SPECC1L: variants seen among roughly 807,000 people sequenced by gnomAD.
The protein encoded by SPECC1L is cytospin-A.
Under a neutral mutation model 116.8 loss-of-function variants are expected in SPECC1L, and 40 were observed. The observed-to-expected ratio is 0.34, with a 90% confidence interval of 0.27 to 0.45. The LOEUF is 0.45. Ranked by LOEUF, SPECC1L falls within the 20% of genes least tolerant of loss-of-function variation. The pLI is 1.00. For synonymous variants in SPECC1L, 504 were observed against 500.6 expected, an observed-to-expected ratio of 1.01 and a Z score of -0.09; for missense variants, 1,110 against 1,373.6, an observed-to-expected ratio of 0.81 and a Z score of 3.03.
chr22:24,393,157 G>A (rs879577598), intron 14 of SPECC1L, among the ~76,000 whole-genome samples: 7 of 152,246 alleles, frequency 4.6e-5, no homozygotes, highest in Non-Finnish European at 1.0e-4. Context: ...TGAAGAAGAT[G>A]TGGGGCCAGA....
In SPECC1L at chr22:24,403,933, A is replaced by G. The variant is rs531230237; in HGVS notation, c.3088-7655A>G. On this transcript the variant is annotated intron_variant, in intron 14 of 16. Transcript: ENST00000314328. ...AGTTCAAGCCCAGCTTGGGCAACAT[A>G]GTGAGAGACTCCCTCCCTTTTTTAA... 4.6e-5 allele frequency among the ~76,000 whole-genome samples: 7 copies of G among 152,322 alleles called. No individual in the cohort carries two copies. The South Asian group carries it at 1.0e-3, about 23-fold the overall frequency.
chr22:24,290,259 T>A (rs972141392), intron 2 of SPECC1L, among the ~76,000 whole-genome samples: 1 of 152,202 alleles, frequency 6.6e-6, no homozygotes. Context: ...GCCATGAGGC[T>A]GTTTAAGGGG....
At chr22:24,364,508 C>T (rs1353861781) in intron 12 of SPECC1L, among the ~76,000 whole-genome samples, 1 of 151,834 alleles carries the variant, frequency 6.6e-6, no homozygotes, top group Admixed American at 6.6e-5. Context: ...ACTGAAAATA[C>T]AAAAATAAGC....
At chr22:24,312,540 T>G (rs2146439597) in intron 3 of SPECC1L, among the ~76,000 whole-genome samples, 1 of 152,316 alleles carries the variant, frequency 6.6e-6, no homozygotes, top group East Asian at 1.9e-4. Flanking sequence ...AGTTTTTCTC[T>G]TTTTTTCCCC....
At position 24,276,698 on chromosome 22, in the gene SPECC1L, A is replaced by G; in HGVS notation, c.-141-2A>G. ...ATTCTATTCTTCCTCTCTCTCTTCT[A>G]GTGTTCTTGGGGAAGATCCCGACTA... On this transcript the variant is annotated splice_acceptor_variant, in intron 1 of 16. Transcript: ENST00000314328. LOFTEE classifies it low-confidence loss of function (5UTR_SPLICE). 2.3e-6 allele frequency: 1 copy of G among 442,308 alleles called. No homozygotes were observed. Among genetic ancestry groups the G allele is most frequent in the Non-Finnish European group, 4.5e-6 (1 of 223,006 alleles). The allele number at this position is 442,308 out of a possible 1,614,324, so 27.4% of individuals were successfully genotyped here.
At chr22:24,375,718 G>C (rs931002384) in intron 14 of SPECC1L, among the ~76,000 whole-genome samples, 1 of 152,162 alleles carries the variant, frequency 6.6e-6, no homozygotes, top group African/African-American at 2.4e-5. Flanking sequence ...ACTTTGGGAG[G>C]CCAAGGCGGG....
intron 14 of SPECC1L, among the ~76,000 whole-genome samples, chr22:24,408,580 G>T (rs979551211): frequency 2.0e-5 from 3 of 152,232 alleles, no homozygotes; most frequent in Admixed American, 6.5e-5. Flanking sequence ...GAGGCTTGCT[G>T]CCACCTTCCC....
chr22:24,358,028 C>CT (rs1158442082), intron 11 of SPECC1L, among the ~76,000 whole-genome samples: 1 of 150,582 alleles, frequency 6.6e-6, no homozygotes, highest in Non-Finnish European at 1.5e-5. Flanking sequence ...GTATGGCTCA[C>CT]TTTCTTTTTT....
intron 14 of SPECC1L, among the ~76,000 whole-genome samples, chr22:24,403,570 G>A (rs1397269960): frequency 6.6e-6 from 1 of 152,076 alleles, no homozygotes; most frequent in Admixed American, 6.5e-5. Flanking sequence ...AGCTGTCTCT[G>A]TAGGAATCAG....
intron 14 of SPECC1L, among the ~76,000 whole-genome samples, chr22:24,381,537 G>A (rs886573211): frequency 3.3e-5 from 5 of 152,092 alleles, no homozygotes; most frequent in South Asian, 2.1e-4. Flanking sequence ...TTTAGCAGGC[G>A]TATATTTATG....
chr22:24,403,422 T>A (rs2081968195), intron 14 of SPECC1L, among the ~76,000 whole-genome samples: 1 of 152,246 alleles, frequency 6.6e-6, no homozygotes, highest in Non-Finnish European at 1.5e-5. Context: ...AATTTTTTTC[T>A]TCTTAGATTG....
Position 24,392,419 on chromosome 22 carries a change from A to G in SPECC1L, c.3088-19169A>G, listed in dbSNP as rs182224160. 4.5e-3 allele frequency among the ~76,000 whole-genome samples: 691 copies of G among 152,358 alleles called. 4 individuals are homozygous for G. The highest frequency in any genetic ancestry group is 0.016 in the African/African-American group (671 of 41,578). On this transcript the variant is annotated intron_variant, in intron 14 of 16. Transcript: ENST00000314328. The stretch of plus-strand genomic sequence containing the variant: ...CATCCACTTTGGATGGGATGACAAC[A>G]TAAGGATGTGGCCTCCACAGACAAG...
intron 2 of SPECC1L, among the ~76,000 whole-genome samples, chr22:24,298,057 G>A (rs1211025841): frequency 6.6e-6 from 1 of 152,038 alleles, no homozygotes; most frequent in Non-Finnish European, 1.5e-5. Flanking sequence ...ACTGTGGTTC[G>A]ACCTAAGATT....
intron 11 of SPECC1L, among the ~76,000 whole-genome samples, chr22:24,362,003 G>A (rs2041655010): frequency 6.6e-6 from 1 of 152,220 alleles, no homozygotes; most frequent in African/African-American, 2.4e-5. Context: ...GAGGGATCAT[G>A]TTTAAATTGT....
At chr22:24,410,220 G>A (rs1438802287) in intron 14 of SPECC1L, among the ~76,000 whole-genome samples, 1 of 152,176 alleles carries the variant, frequency 6.6e-6, no homozygotes, top group Non-Finnish European at 1.5e-5. Context: ...TGTAATGGCT[G>A]TTCACAGGCA....
chr22:24,319,477 A>G (rs1012509568), intron 4 of SPECC1L, among the ~76,000 whole-genome samples: 1 of 152,234 alleles, frequency 6.6e-6, no homozygotes, highest in Non-Finnish European at 1.5e-5. Flanking sequence ...ACAGTTCAAG[A>G]TGAGATTTGG....
chr22:24,299,656 G>A (rs368590815), intron 2 of SPECC1L, among the ~76,000 whole-genome samples: 9 of 151,354 alleles, frequency 5.9e-5, no homozygotes, highest in African/African-American at 2.2e-4. Context: ...GTCCTTGTTC[G>A]ACTTACAATG....
chr22:24,414,705 C>G lies in SPECC1L; in HGVS notation c.*82C>G. ...ACACCGACGCCATTAGCTACGCACC[C>G]CTGTAAAGCTTCCAGCAACTCTGGG... On this transcript the variant is annotated 3_prime_UTR_variant, in exon 17 of 17. Transcript: ENST00000314328. 1.6e-6 allele frequency: 2 copies of G among 1,223,558 alleles called. No homozygotes were observed. Among genetic ancestry groups the G allele is most frequent in the Non-Finnish European group, 2.4e-6 (2 of 840,776 alleles). 75.8% of individuals were successfully genotyped at this position (1,223,558 alleles called of 1,614,324 possible).
chr22:24,327,392 A>G (rs2040851271), intron 6 of SPECC1L, among the ~76,000 whole-genome samples: 1 of 152,102 alleles, frequency 6.6e-6, no homozygotes, highest in Non-Finnish European at 1.5e-5. Flanking sequence ...AGGGGTAAAG[A>G]AGATGATGAG....
Sources: gnomAD v4.1 joint callset for allele counts (sites outside exome capture counted in the v4.1 genomes callset) on GRCh38, gnomAD v4.1.1 for gene constraint, MANE v1.5 for transcripts, NCBI Gene and HGNC (gene_info 2026-07-23, HGNC 2026-07-21) for gene names.